The following LYZL2 variants were observed in gnomAD, a reference collection of about 807,000 sequenced individuals.
LYZL2 encodes lysozyme like 2.
Under a neutral mutation model 17.1 loss-of-function variants are expected in LYZL2, and 13 were observed. The ratio of observed to expected loss-of-function variants is 0.76; its 90% CI spans 0.49 to 1.21. The LOEUF (loss-of-function observed/expected upper bound fraction) is 1.21. Among genes scored for constraint, LYZL2 ranks in the 50% most tolerant of loss-of-function variants. The probability of loss-of-function intolerance (pLI) is 0.00; values close to 1 mark genes in which losing one functional copy is unlikely to be tolerated. For missense variants in LYZL2, 166 were observed against 189.2 expected, an observed-to-expected ratio of 0.88 and a Z score of 0.72; for synonymous variants, 63 against 74.4, an observed-to-expected ratio of 0.85 and a Z score of 0.79.
At chr10:30,617,147 A>T (rs1183914164) in intron 3 of LYZL2, among the ~76,000 whole-genome samples, 2 of 152,074 alleles carry the variant, frequency 1.3e-5, no homozygotes, top group Non-Finnish European at 2.9e-5. Flanking sequence ...ACATTCTATT[A>T]TTCTGGGATT....
intron 3 of LYZL2, among the ~76,000 whole-genome samples, chr10:30,614,631 A>G (rs1838499690): frequency 6.6e-6 from 1 of 152,180 alleles, no homozygotes; most frequent in Admixed American, 6.5e-5. Flanking sequence ...ACTGCTTGTC[A>G]ATTATGCAAA....
downstream of LYZL2, among the ~76,000 whole-genome samples, chr10:30,606,996 C>T (rs555750866): frequency 3.3e-5 from 5 of 151,330 alleles, no homozygotes; most frequent in East Asian, 7.7e-4. Flanking sequence ...TTGCTGCCTC[C>T]ACCTCCTGGA....
chr10:30,608,813 G>A (rs955818634), downstream of LYZL2, among the ~76,000 whole-genome samples: 4 of 152,054 alleles, frequency 2.6e-5, no homozygotes, highest in African/African-American at 9.7e-5. Context: ...GTGTCCAGTG[G>A]CACAAAAAAA....
intron 1 of LYZL2, among the ~76,000 whole-genome samples, chr10:30,628,598 C>T (rs553597855): frequency 3.9e-5 from 6 of 152,298 alleles, no homozygotes; most frequent in South Asian, 2.1e-4. Flanking sequence ...GACAACTACT[C>T]GGGATCCTGA....
downstream of LYZL2, among the ~76,000 whole-genome samples, chr10:30,608,448 G>A (rs369311495): frequency 7.7e-4 from 118 of 152,272 alleles, 1 homozygote; most frequent in South Asian, 0.011. Flanking sequence ...TCTTTCAGGG[G>A]CTGGCTTAGG....
chr10:30,607,984 C>A (rs1158790111), downstream of LYZL2, among the ~76,000 whole-genome samples: 2 of 152,184 alleles, frequency 1.3e-5, no homozygotes, highest in African/African-American at 4.8e-5. Context: ...TGTTGCCCAG[C>A]CAGACTAGAG....
At position 30,626,175 on chromosome 10, in the gene LYZL2, C is replaced by A. The variant is rs747956839; in HGVS notation, c.228G>T (p.Gln76His). ...GTCTGCACCACGCGAAGCTGTTGAT[C>A]TGGAAGATGCCGTAGTCGATGCTGC... The part of the protein sequence containing the change: ...DDGSIDYGIF[Q>H]INSFAWCRRG... Residue 76 changes from glutamine to histidine, a missense_variant, in exon 3 of 5, where the codon CAG (glutamine) becomes CAT (histidine). This residue lies in a region of LYZL2 where 134 missense variants were observed against 129.4 expected (regional missense o/e 1.04). Transcript: ENST00000647634. 7 of 1,614,038 alleles carry A rather than the reference C, an allele frequency of 4.3e-6. No individual in the cohort carries two copies. Among genetic ancestry groups the A allele is most frequent in the Non-Finnish European group, 5.1e-6 (6 of 1,179,978 alleles).
chr10:30,606,725 C>T, the LYZL2 span, among the ~76,000 whole-genome samples: 23 of 152,052 alleles, frequency 1.5e-4, no homozygotes, highest in Admixed American at 1.2e-3. Context: ...TTCTCAAGGG[C>T]GCCCTGTCTA....
chr10:30,611,923 T>C lies in LYZL2; in HGVS notation c.*32A>G, dbSNP rs1355210174. Reference sequence around the variant, plus strand: ...GACATTCACTGCAAACCCTAGGGCGTTGCTGCAAAGCATCCTGGGTCCAGT... The same window carrying C: ...GACATTCACTGCAAACCCTAGGGCGCTGCTGCAAAGCATCCTGGGTCCAGT... On this transcript the variant is annotated 3_prime_UTR_variant, in exon 5 of 5. Transcript: ENST00000647634. 4.3e-6 allele frequency: 7 copies of C among 1,614,022 alleles called. No homozygotes were observed. In the African/African-American group the frequency reaches 5.3e-5, roughly 12 times the overall value.
chr10:30,612,923 G>A (rs951062540), intron 3 of LYZL2, 23 bp from the exon 4 acceptor site: 1 of 1,598,094 alleles, frequency 6.3e-7, no homozygotes, highest in Non-Finnish European at 8.6e-7. Flanking sequence ...AGGTCATCAG[G>A]GTTAGGCGAG....
intron 1 of LYZL2, 133 bp downstream of exon 1, chr10:30,629,460 A>T (rs1838771133): frequency 1.3e-6 from 1 of 775,992 alleles, no homozygotes. Flanking sequence ...TTAGAATGTT[A>T]ACTGATCTCA....
intron 3 of LYZL2, among the ~76,000 whole-genome samples, chr10:30,622,464 A>C (rs1335440789): frequency 6.6e-6 from 1 of 151,836 alleles, no homozygotes; most frequent in African/African-American, 2.4e-5. Flanking sequence ...CAGAAGAATC[A>C]CTTGAACCCA....
At position 30,626,241 on chromosome 10, in the gene LYZL2, C is replaced by T; in HGVS notation, c.162G>A (p.Glu54=). The T allele has an allele frequency of 2.5e-6, 4 of 1,614,244 alleles. No individual in the cohort carries two copies. The highest frequency in any genetic ancestry group is 3.4e-6 in the Non-Finnish European group (4 of 1,180,040). ...LGNWICMAYY[E]SGYNTTAQTV... ...TCTGGGCTGTGGTGTTGTAGCCGCT[C>T]TCATAATACGCCATGCAGATCCCTG... Residue 54 remains glutamate, a synonymous_variant, in exon 3 of 5, where the codon GAG becomes GAA. Transcript: ENST00000647634.
chr10:30,629,606 T>A lies in LYZL2; in HGVS notation c.-39A>T. ...TTTAGGTCTTACTGAAAAGGCAGAT[T>A]CCTGGTGCCTGCCGCAGAGGCTGAC... On this transcript the variant is annotated 5_prime_UTR_variant, in exon 1 of 5. Coordinates refer to ENST00000647634, the MANE Select transcript of LYZL2 (RefSeq NM_183058.3). 6.2e-7 allele frequency: 1 copy of A among 1,614,180 alleles called. No homozygotes were observed. The highest frequency in any genetic ancestry group is 8.5e-7 in the Non-Finnish European group (1 of 1,179,996).
downstream of LYZL2, among the ~76,000 whole-genome samples, chr10:30,611,530 A>AGAAGGAAGGAAGGAAG (rs762109748): frequency 0.011 from 844 of 80,366 alleles, 15 homozygotes; most frequent in Non-Finnish European, 0.012. Flanking sequence ...GGAAAAAGAA[A>AGAAGGAAGGAAGGAAG]GAAGGAAGGA....
intron 2 of LYZL2, 70 bp from the exon 3 acceptor site, chr10:30,626,333 CA>C: frequency 6.3e-7 from 1 of 1,579,670 alleles, no homozygotes; most frequent in Non-Finnish European, 8.6e-7. Flanking sequence ...GGTCTAAGGG[CA>C]AGTTTCCTCA....
rs544626704 is a variant in LYZL2 at position 30,616,017 on chromosome 10, T to C, written c.299-3117A>G. Among the ~76,000 whole-genome samples, 128 of 152,380 alleles carry C rather than the reference T, an allele frequency of 8.4e-4. 1 individual carries two copies. Among genetic ancestry groups the C allele is most frequent in the Middle Eastern group, 3.4e-3 (1 of 294 alleles). On this transcript the variant is annotated intron_variant, in intron 3 of 4. Transcript: ENST00000647634. ...TTTTACAATTGAAATGTACTACTTTTATTACCAGAAAAATAACCAAAAATA... is the reference window on the plus strand; with the variant it reads ...TTTTACAATTGAAATGTACTACTTTCATTACCAGAAAAATAACCAAAAATA...
At chr10:30,618,671 T>C (rs1838573095) in intron 3 of LYZL2, among the ~76,000 whole-genome samples, 1 of 152,146 alleles carries the variant, frequency 6.6e-6, no homozygotes, top group African/African-American at 2.4e-5. Flanking sequence ...ATACAAAAAT[T>C]AATTCAAGAT....
chr10:30,611,818 A>G lies in LYZL2; in HGVS notation c.*137T>C. ...TTTAAATGGAAATATTTATTTTCTT[A>G]AAAGTATAGCTTAATTTTCCCTCTC... On this transcript the variant is annotated 3_prime_UTR_variant, in exon 5 of 5. Coordinates refer to ENST00000647634, the MANE Select transcript of LYZL2 (RefSeq NM_183058.3). The G allele has an allele frequency of 6.8e-7, 1 of 1,465,576 alleles. No homozygotes were observed. Among genetic ancestry groups the G allele is most frequent in the Non-Finnish European group, 9.3e-7 (1 of 1,077,364 alleles). The allele number at this position is 1,465,576 out of a possible 1,614,324, so 90.8% of individuals were successfully genotyped here. A position where few individuals can be genotyped will look rare whatever the true frequency, so the allele number is the denominator to read the frequency against.
Sources: gnomAD v4.1 joint callset for allele counts (sites outside exome capture counted in the v4.1 genomes callset) on GRCh38, gnomAD v4.1.1 for gene constraint, gnomAD v4.1.1 regional missense constraint, MANE v1.5 for transcripts, NCBI Gene and HGNC (gene_info 2026-07-23, HGNC 2026-07-21) for gene names.